ANKRD11: variants seen among roughly 807,000 people sequenced by gnomAD.
ANKRD11 encodes the protein ankyrin repeat domain 11, also known as ankyrin repeat domain-containing protein 11.
Under a neutral mutation model 195.7 loss-of-function variants are expected in ANKRD11, and 17 were observed. The ratio of observed to expected loss-of-function variants is 0.09; its 90% CI spans 0.06 to 0.13. The LOEUF (loss-of-function observed/expected upper bound fraction) is 0.13. Ranked by LOEUF, ANKRD11 falls within the 10% of genes least tolerant of loss-of-function variation. The probability of loss-of-function intolerance (pLI) is 1.00; values close to 1 mark genes in which losing one functional copy is unlikely to be tolerated. For synonymous variants in ANKRD11, 1,953 were observed against 1,528.1 expected, an observed-to-expected ratio of 1.28 and a Z score of -6.49; for missense variants, 3,735 against 3,566.1, an observed-to-expected ratio of 1.05 and a Z score of -1.21.
chr16:89,393,272 ATTAAACT>A (rs1280791382), intron 2 of ANKRD11, among the ~76,000 whole-genome samples: 2 of 151,660 alleles, frequency 1.3e-5, no homozygotes, highest in East Asian at 3.9e-4. Context: ...CACTGTACAC[ATTAAACT>A]TTAGTTTCCT....
At chr16:89,368,608 T>TAAA (rs34142081) in intron 2 of ANKRD11, among the ~76,000 whole-genome samples, 4 of 131,662 alleles carry the variant, frequency 3.0e-5, no homozygotes, top group Admixed American at 7.7e-5. Context: ...ACGCAGCTCT[T>TAAA]AAAAAAAAAA....
chr16:89,301,085 G>A (rs950528207), intron 4 of ANKRD11: 1 of 534,700 alleles, frequency 1.9e-6, no homozygotes, highest in Admixed American at 3.7e-5. Flanking sequence ...AAAAACATTC[G>A]CTGGTTGACT....
At chr16:89,354,828 A>G (rs1415432903) in intron 2 of ANKRD11, among the ~76,000 whole-genome samples, 1 of 151,740 alleles carries the variant, frequency 6.6e-6, no homozygotes, top group Non-Finnish European at 1.5e-5. Context: ...CGGAGGTTGC[A>G]GTGAGCCGAG....
intron 1 of ANKRD11, among the ~76,000 whole-genome samples, chr16:89,463,062 CCCCCGCCCGGCCAGCCG>C (rs1253052565): frequency 1.3e-5 from 2 of 149,952 alleles, no homozygotes; most frequent in Non-Finnish European, 3.0e-5. Flanking sequence ...GGGGTCAGCC[CCCCCGCCCGGCCAGCCG>C]CCCCGCCCGG....
At chr16:89,412,843 T>C (rs1013313014) in intron 2 of ANKRD11, among the ~76,000 whole-genome samples, 1 of 152,098 alleles carries the variant, frequency 6.6e-6, no homozygotes, top group Non-Finnish European at 1.5e-5. Flanking sequence ...AAAAAGCCAT[T>C]CTCAGTCCCC....
chr16:89,474,031 A>G (rs1271766097), intron 1 of ANKRD11, among the ~76,000 whole-genome samples: 1 of 152,236 alleles, frequency 6.6e-6, no homozygotes, highest in Non-Finnish European at 1.5e-5. Flanking sequence ...CCAAGCAAGT[A>G]CAGGGGGCCT....
intron 7 of ANKRD11, chr16:89,288,018 G>A (rs917751454): frequency 7.9e-6 from 4 of 508,908 alleles, no homozygotes; most frequent in Admixed American, 3.6e-5. Flanking sequence ...GGCACACCAC[G>A]ACCTCTCTCG....
chr16:89,308,627 G>A (rs565568782), intron 3 of ANKRD11, among the ~76,000 whole-genome samples: 14 of 152,312 alleles, frequency 9.2e-5, no homozygotes, highest in Non-Finnish European at 1.6e-4. Flanking sequence ...CGCCCGGGAG[G>A]CTTTGAGGGA....
At chr16:89,437,885 G>T (rs1372389064) in intron 1 of ANKRD11, among the ~76,000 whole-genome samples, 1 of 152,200 alleles carries the variant, frequency 6.6e-6, no homozygotes, top group Non-Finnish European at 1.5e-5. Flanking sequence ...AATGCATAAT[G>T]CAAACTAGGC....
chr16:89,356,826 C>T (rs1416988444), intron 2 of ANKRD11, among the ~76,000 whole-genome samples: 5 of 149,674 alleles, frequency 3.3e-5, no homozygotes, highest in Non-Finnish European at 7.4e-5. Context: ...CGTAATGGTA[C>T]AATTTTGGGG....
chr16:89,370,698 G>C (rs893178480), intron 2 of ANKRD11: 1 of 152,424 alleles, frequency 6.6e-6, no homozygotes, highest in African/African-American at 2.4e-5. Context: ...TCCACGGCAG[G>C]ACCCGAGAGC....
chr16:89,280,047 C>A lies in ANKRD11; in HGVS notation c.6495G>T (p.Glu2165Asp). Residue 2165 changes from glutamate to aspartate, a missense_variant, in exon 9 of 13, where the codon GAG becomes GAT. Glu to Asp is a conservative substitution (Grantham distance 45). Coordinates refer to ENST00000301030, the MANE Select transcript of ANKRD11 (RefSeq NM_013275.6). The stretch of plus-strand genomic sequence containing the variant: ...TGACCCCGGGGGCCCCTGGAGGCAT[C>A]TCTTCTGGAGGAGCAAGACTTTCTT... Reference protein sequence around the residue: ...PVEESLAPPEEMPPGAPGVIN... With the variant: ...PVEESLAPPEDMPPGAPGVIN... The A allele has an allele frequency of 7.4e-6, 12 of 1,612,950 alleles. No homozygotes were observed. The highest frequency in any genetic ancestry group is 9.3e-6 in the Non-Finnish European group (11 of 1,179,962).
intron 4 of ANKRD11, chr16:89,300,835 GAAAATCATAA>G (rs2151850208): frequency 1.4e-6 from 1 of 701,782 alleles, no homozygotes; most frequent in East Asian, 2.7e-5. Flanking sequence ...AGCAAAATAA[GAAAATCATAA>G]TTTTTCCCCT....
chr16:89,290,157 G>A (rs1453719999), intron 6 of ANKRD11, among the ~76,000 whole-genome samples: 2 of 152,262 alleles, frequency 1.3e-5, no homozygotes, highest in African/African-American at 4.8e-5. Context: ...CCCGAGCCCT[G>A]CAGAGCAGAC....
At chr16:89,371,596 A>G (rs928775157) in intron 2 of ANKRD11, among the ~76,000 whole-genome samples, 1 of 152,094 alleles carries the variant, frequency 6.6e-6, no homozygotes, top group Non-Finnish European at 1.5e-5. Flanking sequence ...CGCTCCCCAC[A>G]TTCAAGGGTG....
chr16:89,401,690 T>C (rs1019519250), intron 2 of ANKRD11, among the ~76,000 whole-genome samples: 3 of 152,218 alleles, frequency 2.0e-5, no homozygotes, highest in East Asian at 3.9e-4. Context: ...ACATGGTCTT[T>C]GCAGATGATC....
At chr16:89,304,563 CACATACATGGGTACATACAAGTACAT>C (rs1209610343) in intron 4 of ANKRD11, among the ~76,000 whole-genome samples, 106 of 150,896 alleles carry the variant, frequency 7.0e-4, no homozygotes, top group African/African-American at 2.3e-3. Context: ...CACGGGCACA[CACATACATGGGTACATACAAGTACAT>C]ACACACACGG....
chr16:89,460,980 CA>C (rs2056636992), intron 1 of ANKRD11, among the ~76,000 whole-genome samples: 1 of 76,958 alleles, frequency 1.3e-5, no homozygotes, highest in Non-Finnish European at 2.6e-5. Flanking sequence ...CCCCCCCCCC[CA>C]ACAGGAGACG....
At chr16:89,434,481 G>A (rs1442331828) in intron 1 of ANKRD11, among the ~76,000 whole-genome samples, 1 of 152,176 alleles carries the variant, frequency 6.6e-6, no homozygotes, top group Non-Finnish European at 1.5e-5. Flanking sequence ...CAGCCAGGAG[G>A]AGCAGCACCG....
Sources: allele counts gnomAD v4.1 joint callset (sites outside exome capture counted in the v4.1 genomes callset), GRCh38; gene constraint gnomAD v4.1.1; transcripts MANE v1.5; gene names NCBI Gene and HGNC (gene_info 2026-07-23, HGNC 2026-07-21).